The following IMMP2L variants were observed in gnomAD, a reference collection of about 807,000 sequenced individuals.
The protein encoded by IMMP2L is inner mitochondrial membrane peptidase subunit 2, also known as mitochondrial inner membrane protease subunit 2.
A neutral mutation model predicts 19.3 loss-of-function variants in IMMP2L; 18 were observed. The ratio of observed to expected loss-of-function variants is 0.93; its 90% CI spans 0.64 to 1.38. The LOEUF (loss-of-function observed/expected upper bound fraction) is 1.38, where lower values mean the gene tolerates loss of function less well. Ranked by LOEUF, IMMP2L falls within the 40% of genes most tolerant of loss-of-function variation. The pLI, the probability that IMMP2L is intolerant of heterozygous loss-of-function variation, is 0.00. For synonymous variants in IMMP2L, 76 were observed against 73.0 expected (o/e 1.04, Z -0.21); for missense variants, 233 against 218.2 (o/e 1.07, Z -0.43).
intron 3 of IMMP2L, among the ~76,000 whole-genome samples, chr7:111,101,216 T>C (rs534222780): frequency 6.6e-6 from 1 of 151,684 alleles, no homozygotes; most frequent in Admixed American, 6.6e-5. Context: ...TCTAAGATAA[T>C]ATCTTACCAC....
rs140727446 is a variant in IMMP2L at position 111,534,341 on chromosome 7, G to A, written c.-2-12892C>T. Among the ~76,000 whole-genome samples the A allele has an allele frequency of 5.0e-3, 763 of 151,974 alleles. 7 individuals are homozygous for A. The highest frequency in any genetic ancestry group is 0.017 in the African/African-American group (722 of 41,462). On this transcript the variant is annotated intron_variant, in intron 1 of 5. Transcript: ENST00000405709. ...CAATCATTAAAAAGAACAATATATC[G>A]TTATATTGCTTGAGATTCTCCTCCA...
intron 3 of IMMP2L, among the ~76,000 whole-genome samples, chr7:111,305,440 C>T (rs893870329): frequency 3.9e-5 from 6 of 151,912 alleles, no homozygotes; most frequent in Non-Finnish European, 5.9e-5. Flanking sequence ...GTGATTCTCC[C>T]GCCTCAGCCT....
intron 3 of IMMP2L, among the ~76,000 whole-genome samples, chr7:111,387,149 G>C (rs1232743721): frequency 1.3e-5 from 2 of 152,116 alleles, no homozygotes; most frequent in Non-Finnish European, 2.9e-5. Flanking sequence ...AAATGATGAG[G>C]TTCCTGCAGA....
intron 5 of IMMP2L, among the ~76,000 whole-genome samples, chr7:110,664,607 G>C (rs1259828117): frequency 1.3e-5 from 2 of 152,068 alleles, no homozygotes; most frequent in African/African-American, 2.4e-5. Flanking sequence ...TAGCAAACTT[G>C]TTTAAAAGGC....
intron 3 of IMMP2L, among the ~76,000 whole-genome samples, chr7:111,021,208 T>C (rs1240285016): frequency 2.6e-5 from 4 of 152,250 alleles, no homozygotes; most frequent in Non-Finnish European, 4.4e-5. Flanking sequence ...TATTTCCTCA[T>C]GGCAGACAAA....
Position 110,960,135 on chromosome 7 carries a change from G to C in IMMP2L, c.305+3365C>G, listed in dbSNP as rs910617109. ...TAATCCTGTTAGATTGCTTTATGTAGATGAAATTTTTGCCTGCTTTGGTGC... is the reference window on the plus strand; with the variant it reads ...TAATCCTGTTAGATTGCTTTATGTACATGAAATTTTTGCCTGCTTTGGTGC... On this transcript the variant is annotated intron_variant, in intron 4 of 5. Transcript: ENST00000405709. 3.9e-5 allele frequency among the ~76,000 whole-genome samples: 6 copies of C among 152,006 alleles called. 1 individual carries two copies. In the South Asian group the frequency reaches 1.2e-3, roughly 32 times the overall value.
chr7:111,378,173 T>C (rs543746168), intron 3 of IMMP2L, among the ~76,000 whole-genome samples: 1 of 152,052 alleles, frequency 6.6e-6, no homozygotes, highest in African/African-American at 2.4e-5. Flanking sequence ...TATAAAACAA[T>C]TATATGTCAG....
At chr7:111,561,530 G>C (rs1268541394) in intron 1 of IMMP2L, among the ~76,000 whole-genome samples, 2 of 152,146 alleles carry the variant, frequency 1.3e-5, no homozygotes, top group Non-Finnish European at 2.9e-5. Flanking sequence ...TAATAAGATA[G>C]GGGCCGGAGA....
At chr7:110,902,620 A>G (rs1317764862) in intron 4 of IMMP2L, among the ~76,000 whole-genome samples, 1 of 151,490 alleles carries the variant, frequency 6.6e-6, no homozygotes, top group Non-Finnish European at 1.5e-5. Context: ...AGACTTTAAT[A>G]TCAATCTAAA....
intron 3 of IMMP2L, among the ~76,000 whole-genome samples, chr7:111,438,180 T>A (rs928351530): frequency 6.6e-6 from 1 of 151,792 alleles, no homozygotes; most frequent in African/African-American, 2.4e-5. Context: ...AGCAGTAAAT[T>A]TTTAAAGTAT....
At chr7:111,498,553 G>T (rs533406745) in intron 2 of IMMP2L, among the ~76,000 whole-genome samples, 1 of 152,066 alleles carries the variant, frequency 6.6e-6, no homozygotes, top group African/African-American at 2.4e-5. Flanking sequence ...ATAGTAAGGT[G>T]TGTAGCACAG....
intron 1 of IMMP2L, among the ~76,000 whole-genome samples, chr7:111,550,871 G>A (rs961021310): frequency 2.0e-5 from 3 of 152,112 alleles, no homozygotes; most frequent in Non-Finnish European, 4.4e-5. Context: ...GTACAAATGA[G>A]ATGGAGAAGA....
chr7:110,817,778 G>A (rs1802663979), intron 5 of IMMP2L, among the ~76,000 whole-genome samples: 1 of 152,030 alleles, frequency 6.6e-6, no homozygotes, highest in Admixed American at 6.6e-5. Flanking sequence ...TAGATCAATG[G>A]AACAGAACAG....
chr7:111,123,444 C>G lies in IMMP2L; in HGVS notation c.240-159879G>C, dbSNP rs1800896467. 6.2e-7 allele frequency: 1 copy of G among 1,613,294 alleles called. No homozygotes were observed. Among genetic ancestry groups the G allele is most frequent in the South Asian group, 1.1e-5 (1 of 90,948 alleles). ...GCCTGGTTATAGCTGGTATAAACCT[C>G]ACAGAAATACCAGATAACGCCTTGG... is the stretch of plus-strand genomic sequence containing the variant. On this transcript the variant is annotated intron_variant, in intron 3 of 5. Coordinates refer to ENST00000405709, the MANE Select transcript of IMMP2L (RefSeq NM_032549.4). This position sits in a 1 kb window ranked among gnomAD's most constrained non-coding sequence, Gnocchi z 6.4.
chr7:110,878,607 T>C (rs1809313999), intron 5 of IMMP2L, among the ~76,000 whole-genome samples: 1 of 152,084 alleles, frequency 6.6e-6, no homozygotes, highest in Non-Finnish European at 1.5e-5. Context: ...ATTTTAATCC[T>C]TCATATCATT....
At chr7:110,725,755 T>C (rs1026794368) in intron 5 of IMMP2L, 4 of 152,178 alleles carry the variant, frequency 2.6e-5, no homozygotes, top group African/African-American at 4.8e-5. Context: ...TCTGAGTCCA[T>C]GGATTAGAGG....
chr7:111,318,820 C>A (rs928111654), intron 3 of IMMP2L, among the ~76,000 whole-genome samples: 1 of 152,096 alleles, frequency 6.6e-6, no homozygotes, highest in Non-Finnish European at 1.5e-5. Context: ...TATATTTCAA[C>A]TATGGAAGTA....
intron 5 of IMMP2L, among the ~76,000 whole-genome samples, chr7:110,832,786 A>G (rs1804085489): frequency 6.6e-6 from 1 of 152,172 alleles, no homozygotes; most frequent in Admixed American, 6.5e-5. Context: ...ATGAGAATGC[A>G]GAGGGAGAAT....
intron 5 of IMMP2L, among the ~76,000 whole-genome samples, chr7:110,886,194 G>C (rs79870028): frequency 0.022 from 3,315 of 151,950 alleles, 113 homozygotes; most frequent in African/African-American, 0.074. Flanking sequence ...TATTACACTT[G>C]CATTTTAAAC....
Sources: gnomAD v4.1 joint callset for allele counts (sites outside exome capture counted in the v4.1 genomes callset) on GRCh38, gnomAD v4.1.1 for gene constraint, Gnocchi (gnomAD v3.1) non-coding constraint, MANE v1.5 for transcripts, NCBI Gene and HGNC (gene_info 2026-07-23, HGNC 2026-07-21) for gene names.